The following TNKS variants were observed in gnomAD, a reference collection of about 807,000 sequenced individuals.
TNKS encodes the protein poly [ADP-ribose] polymerase tankyrase-1.
TNKS carries 72 observed loss-of-function variants against 135.8 expected under a neutral mutation model. That is an observed-to-expected ratio of 0.53 (90% CI 0.44 to 0.64). The LOEUF (loss-of-function observed/expected upper bound fraction) is 0.64, where lower values mean the gene tolerates loss of function less well. Ranked by LOEUF, TNKS falls within the 30% of genes least tolerant of loss-of-function variation. TNKS has a pLI of 0.00. For synonymous variants in TNKS, 849 were observed against 649.3 expected (o/e 1.31, Z -4.68); for missense variants, 1,769 against 1,674.0 (o/e 1.06, Z -0.99).
intron 23 of TNKS, among the ~76,000 whole-genome samples, chr8:9,765,450 C>G (rs1422683601): frequency 2.0e-5 from 3 of 150,592 alleles, no homozygotes; most frequent in Non-Finnish European, 4.4e-5. Context: ...TTTTTTTAAT[C>G]CTGAGGTGAT....
At chr8:9,686,271 GC>G (rs1802993091) in intron 5 of TNKS, among the ~76,000 whole-genome samples, 1 of 152,100 alleles carries the variant, frequency 6.6e-6, no homozygotes. Context: ...AAGAACTGAG[GC>G]CCCTAGCCAA....
intron 3 of TNKS, among the ~76,000 whole-genome samples, chr8:9,675,381 T>C (rs1802490762): frequency 6.6e-6 from 1 of 152,126 alleles, no homozygotes; most frequent in Admixed American, 6.5e-5. Context: ...AATATAAGAG[T>C]CCCCACATTA....
At position 9,733,345 on chromosome 8, in the gene TNKS, G is replaced by A; in HGVS notation, c.2214G>A (p.Arg738=). 6.2e-7 allele frequency: 1 copy of A among 1,612,202 alleles called. No individual in the cohort carries two copies. The highest frequency in any genetic ancestry group is 8.5e-7 in the Non-Finnish European group (1 of 1,179,336). Residue 738 remains arginine (R), a synonymous_variant, in exon 15 of 27, where the codon AGG becomes AGA. Transcript: ENST00000310430. ...ATGAGGTGGCTGAGCTTTTAGTAAG[G>A]CATGGGGCTTCTGTCAATGTGGCGG... is the stretch of plus-strand genomic sequence containing the variant. The part of the protein sequence containing the change: ...GHYEVAELLV[R]HGASVNVADL...
chr8:9,600,970 A>G (rs550352423), intron 2 of TNKS, among the ~76,000 whole-genome samples: 37 of 152,366 alleles, frequency 2.4e-4, no homozygotes, highest in African/African-American at 8.4e-4. Flanking sequence ...TTTGATAGGA[A>G]GAATGATCCA....
chr8:9,579,752 A>T (rs79970855), intron 1 of TNKS, among the ~76,000 whole-genome samples: 16,507 of 152,228 alleles, frequency 0.11, 1,210 homozygotes, highest in Admixed American at 0.22. Context: ...GGTGTGAGCC[A>T]CTGCGCCCGG....
At chr8:9,699,256 T>C (rs1397772761) in intron 5 of TNKS, among the ~76,000 whole-genome samples, 2 of 152,248 alleles carry the variant, frequency 1.3e-5, no homozygotes, top group Admixed American at 6.5e-5. Flanking sequence ...AAAATTACTT[T>C]TACCATTGCT....
chr8:9,600,896 T>A (rs1798991355), intron 2 of TNKS, among the ~76,000 whole-genome samples: 1 of 152,226 alleles, frequency 6.6e-6, no homozygotes, highest in African/African-American at 2.4e-5. Flanking sequence ...TTACAGAATC[T>A]AAATTAATAG....
intron 2 of TNKS, among the ~76,000 whole-genome samples, chr8:9,604,028 T>C (rs1799124861): frequency 2.0e-5 from 3 of 152,022 alleles, no homozygotes. Context: ...TAAAATTCTT[T>C]AAAAATGCGA....
intron 5 of TNKS, among the ~76,000 whole-genome samples, chr8:9,687,233 T>A (rs1431917570): frequency 6.6e-6 from 1 of 152,204 alleles, no homozygotes; most frequent in Non-Finnish European, 1.5e-5. Flanking sequence ...CTAGCTCAGA[T>A]GCTACTTGGG....
At chr8:9,708,647 T>TG (rs149114426) in intron 9 of TNKS, among the ~76,000 whole-genome samples, 155 bp downstream of exon 9, 17,239 of 152,138 alleles carry the variant, frequency 0.11, 1,390 homozygotes, top group East Asian at 0.3. Context: ...AAACTTAGTT[T>TG]GGGGGGTGAT....
intron 1 of TNKS, chr8:9,556,859 AG>A (rs1238164620): frequency 3.4e-6 from 2 of 580,576 alleles, no homozygotes; most frequent in Admixed American, 3.0e-5. Flanking sequence ...AACTCACTGT[AG>A]TTGGTAGTCT....
intron 5 of TNKS, among the ~76,000 whole-genome samples, chr8:9,702,475 G>C (rs7002141): frequency 6.6e-6 from 1 of 152,234 alleles, no homozygotes; most frequent in Non-Finnish European, 1.5e-5. Flanking sequence ...AGATTTCTAG[G>C]CTTGAAACAA....
rs963346108 is a variant in TNKS at position 9,644,000 on chromosome 8, T to G, written c.994+28323T>G. Among the ~76,000 whole-genome samples the G allele has an allele frequency of 2.6e-5, 4 of 152,218 alleles. No individual in the cohort carries two copies. In the East Asian group the frequency reaches 5.8e-4, roughly 22 times the overall value. ...TGGATGAACCTTGAACACATTTTGC[T>G]AAATGGAATAAGACAGTCACAAAAG... On this transcript the variant is annotated intron_variant, in intron 3 of 26. Transcript: ENST00000310430.
Position 9,777,326 on chromosome 8 carries a change from A to G in TNKS, c.*590A>G, listed in dbSNP as rs550118965. ...TCTGGCTGAGCAAGATTCAGTTTCCACTTTTTAAAATTTTTTTATTTTGCT... is the reference window on the plus strand; with the variant it reads ...TCTGGCTGAGCAAGATTCAGTTTCCGCTTTTTAAAATTTTTTTATTTTGCT... On this transcript the variant is annotated 3_prime_UTR_variant, in exon 27 of 27. Coordinates refer to ENST00000310430, the MANE Select transcript of TNKS (RefSeq NM_003747.3). 2.6e-5 allele frequency: 4 copies of G among 152,822 alleles called. No individual in the cohort carries two copies. The South Asian group carries it at 6.2e-4, about 24-fold the overall frequency. 9.5% of individuals were successfully genotyped at this position (152,822 alleles called of 1,614,324 possible). A position where few individuals can be genotyped will look rare whatever the true frequency, so the allele number is the denominator to read the frequency against.
At chr8:9,587,251 G>C (rs759262516) in intron 2 of TNKS, among the ~76,000 whole-genome samples, 2 of 152,058 alleles carry the variant, frequency 1.3e-5, no homozygotes, top group African/African-American at 4.8e-5. Context: ...ATTTCAGATG[G>C]ATTCAAGCCA....
intron 2 of TNKS, among the ~76,000 whole-genome samples, chr8:9,590,094 T>C (rs1487438066): frequency 1.3e-5 from 2 of 152,238 alleles, no homozygotes; most frequent in Non-Finnish European, 2.9e-5. Flanking sequence ...AAGCTGCCCA[T>C]GATTAGATCA....
intron 1 of TNKS, chr8:9,557,228 G>T (rs1419070844): frequency 6.6e-6 from 1 of 152,346 alleles, no homozygotes; most frequent in African/African-American, 2.4e-5. Flanking sequence ...TGATGTTGTG[G>T]CCACTATTAT....
intron 13 of TNKS, among the ~76,000 whole-genome samples, chr8:9,729,430 C>G (rs1171199019): frequency 6.6e-6 from 1 of 152,176 alleles, no homozygotes; most frequent in Non-Finnish European, 1.5e-5. Flanking sequence ...ACCCTGCAAT[C>G]GTCCTTTATA....
intron 2 of TNKS, among the ~76,000 whole-genome samples, chr8:9,613,570 G>A (rs1257483286): frequency 6.6e-6 from 1 of 152,210 alleles, no homozygotes; most frequent in African/African-American, 2.4e-5. Context: ...GGTTTAGAAA[G>A]TTCAGCTGCT....
Sources: allele counts gnomAD v4.1 joint callset (sites outside exome capture counted in the v4.1 genomes callset), GRCh38; gene constraint gnomAD v4.1.1; transcripts MANE v1.5; gene names NCBI Gene and HGNC (gene_info 2026-07-23, HGNC 2026-07-21).